Variants in MARCHF1 observed in about 807,000 individuals in gnomAD.
MARCHF1 encodes E3 ubiquitin-protein ligase MARCHF1.
MARCHF1 carries 40 observed loss-of-function variants against 54.2 expected under a neutral mutation model. The ratio of observed to expected loss-of-function variants is 0.74; its 90% CI spans 0.57 to 0.96. The LOEUF is 0.96. Ranked by LOEUF, MARCHF1 falls within the 40% of genes least tolerant of loss-of-function variation. The pLI is 0.00. For synonymous variants in MARCHF1, 236 were observed against 236.3 expected (o/e 1.00, Z 0.01); for missense variants, 586 against 656.5 (o/e 0.89, Z 1.17).
At chr4:163,885,749 C>A (rs1750516480) in intron 3 of MARCHF1, among the ~76,000 whole-genome samples, 1 of 151,656 alleles carries the variant, frequency 6.6e-6, no homozygotes, top group African/African-American at 2.4e-5. Flanking sequence ...CCATATATGG[C>A]TTATTATATG....
At chr4:164,197,314 T>G (rs1036935516) in intron 1 of MARCHF1, 5 of 1,612,170 alleles carry the variant, frequency 3.1e-6, no homozygotes, top group Admixed American at 3.3e-5. Context: ...CAGGAGAAGC[T>G]TGAACACGTT....
chr4:163,675,492 G>T (rs1386764658), intron 5 of MARCHF1, among the ~76,000 whole-genome samples: 1 of 152,128 alleles, frequency 6.6e-6, no homozygotes, highest in Non-Finnish European at 1.5e-5. Context: ...GCACAAAATT[G>T]CTAGGACCCG....
chr4:164,019,425 A>G (rs1275689493), intron 2 of MARCHF1, among the ~76,000 whole-genome samples: 2 of 152,172 alleles, frequency 1.3e-5, no homozygotes, highest in East Asian at 3.9e-4. Flanking sequence ...TAAATGATAC[A>G]ATAACTGGTA....
In MARCHF1 at chr4:164,102,489, C is replaced by A. The variant is rs1189151477; in HGVS notation, c.-248+9099G>T. Among the ~76,000 whole-genome samples the A allele has an allele frequency of 5.8e-3, 851 of 146,606 alleles. 7 individuals carry two copies. Among genetic ancestry groups the A allele is most frequent in the Non-Finnish European group, 8.1e-3 (538 of 66,474 alleles). On this transcript the variant is annotated intron_variant, in intron 2 of 9. Coordinates refer to ENST00000514618, the MANE Select transcript of MARCHF1 (RefSeq NM_001394959.1). Reference sequence around the variant, plus strand: ...ATTCTTAAAGAAAAGAATTTTCAACCCAGAACTTCATATCCAGCCAAACTA... The same window carrying A: ...ATTCTTAAAGAAAAGAATTTTCAACACAGAACTTCATATCCAGCCAAACTA...
chr4:163,832,604 A>T (rs866740658), intron 4 of MARCHF1, among the ~76,000 whole-genome samples: 21 of 64,024 alleles, frequency 3.3e-4, no homozygotes, highest in African/African-American at 7.8e-4. Context: ...TTATTATTAT[A>T]ATACTTTAAG....
At chr4:163,696,252 A>G (rs1172551966) in intron 5 of MARCHF1, among the ~76,000 whole-genome samples, 1 of 152,200 alleles carries the variant, frequency 6.6e-6, no homozygotes, top group Non-Finnish European at 1.5e-5. Context: ...GTAAAAACTT[A>G]GGAGATATAA....
intron 1 of MARCHF1, among the ~76,000 whole-genome samples, chr4:164,165,111 G>C (rs1224991982): frequency 6.6e-6 from 1 of 151,960 alleles, no homozygotes; most frequent in Non-Finnish European, 1.5e-5. Flanking sequence ...GTGAATAAGA[G>C]AGATAGAATC....
intron 1 of MARCHF1, among the ~76,000 whole-genome samples, chr4:164,321,343 A>T (rs1579718946): frequency 6.6e-6 from 1 of 152,192 alleles, no homozygotes; most frequent in African/African-American, 2.4e-5. Flanking sequence ...GCAGTGGATG[A>T]ATTTAAAGAG....
At chr4:164,106,565 A>G (rs1755704483) in intron 2 of MARCHF1, among the ~76,000 whole-genome samples, 1 of 143,000 alleles carries the variant, frequency 7.0e-6, no homozygotes, top group African/African-American at 2.7e-5. Flanking sequence ...GAATTGAACA[A>G]TGAGATCACA....
At chr4:164,141,856 C>A (rs1291782223) in intron 1 of MARCHF1, among the ~76,000 whole-genome samples, 1 of 152,172 alleles carries the variant, frequency 6.6e-6, no homozygotes, top group Non-Finnish European at 1.5e-5. Context: ...GTCTACAGCT[C>A]CCAGCGTGAG....
At position 163,527,314 on chromosome 4, in the gene MARCHF1, C is replaced by T. The variant is rs1005109287; in HGVS notation, c.*1434G>A. ...TCTGTTGAATATTTTTGTTTTCTAA[C>T]TGAGCAAGGGAAATCCTGTCAGCTT... On this transcript the variant is annotated 3_prime_UTR_variant, in exon 10 of 10. Coordinates refer to ENST00000514618, the MANE Select transcript of MARCHF1 (RefSeq NM_001394959.1). 3 of 152,024 alleles carry T rather than the reference C, an allele frequency of 2.0e-5. No homozygotes were observed. The South Asian group carries it at 6.2e-4, about 31-fold the overall frequency. 9.4% of individuals were successfully genotyped at this position (152,024 alleles called of 1,614,324 possible).
intron 1 of MARCHF1, among the ~76,000 whole-genome samples, chr4:164,156,504 A>C (rs1005625487): frequency 6.6e-6 from 1 of 152,028 alleles, no homozygotes; most frequent in African/African-American, 2.4e-5. Context: ...GCTCACTGCA[A>C]CCTCTGCCTT....
chr4:163,633,718 A>G (rs1414380958), intron 5 of MARCHF1, among the ~76,000 whole-genome samples: 1 of 152,236 alleles, frequency 6.6e-6, no homozygotes, highest in Non-Finnish European at 1.5e-5. Context: ...AAGGCAGGAC[A>G]ACATTCAGAT....
At chr4:163,880,934 T>C (rs1416094794) in intron 3 of MARCHF1, among the ~76,000 whole-genome samples, 2 of 152,200 alleles carry the variant, frequency 1.3e-5, no homozygotes, top group Admixed American at 6.5e-5. Flanking sequence ...CCCATGTCAG[T>C]TGAGTACCCA....
chr4:164,189,771 G>A, intron 1 of MARCHF1: 5 of 1,383,884 alleles, frequency 3.6e-6, no homozygotes, highest in Admixed American at 1.7e-5. Context: ...CAAGGTCTAT[G>A]AGGATGAATG....
intron 2 of MARCHF1, among the ~76,000 whole-genome samples, chr4:164,069,891 T>G (rs1034831602): frequency 6.6e-5 from 10 of 152,184 alleles, no homozygotes; most frequent in African/African-American, 2.4e-4. Flanking sequence ...GTATATTGGA[T>G]TGAAAAATGT....
chr4:163,827,335 GA>G (rs1748882079), intron 4 of MARCHF1, among the ~76,000 whole-genome samples: 1 of 152,146 alleles, frequency 6.6e-6, no homozygotes, highest in Admixed American at 6.6e-5. Context: ...TTCAAAGACT[GA>G]AGTCAAGCTG....
At chr4:163,700,190 A>T (rs1286442452) in intron 5 of MARCHF1, among the ~76,000 whole-genome samples, 5 of 152,100 alleles carry the variant, frequency 3.3e-5, no homozygotes, top group Admixed American at 1.3e-4. Flanking sequence ...GAGAGAAAAA[A>T]CATACTTTAC....
chr4:163,715,053 A>T (rs1229154807), intron 4 of MARCHF1, among the ~76,000 whole-genome samples: 1 of 152,220 alleles, frequency 6.6e-6, no homozygotes, highest in Non-Finnish European at 1.5e-5. Flanking sequence ...CTGTTTTTAA[A>T]ATGTGTCTAA....
Sources: allele counts gnomAD v4.1 joint callset (sites outside exome capture counted in the v4.1 genomes callset), GRCh38; gene constraint gnomAD v4.1.1; transcripts MANE v1.5; gene names NCBI Gene and HGNC (gene_info 2026-07-23, HGNC 2026-07-21).